The following PTPRG variants were observed in gnomAD, a reference collection of about 807,000 sequenced individuals.
The protein encoded by PTPRG is receptor-type tyrosine-protein phosphatase gamma.
A neutral mutation model predicts 165.3 loss-of-function variants in PTPRG; 102 were observed. The ratio of observed to expected loss-of-function variants is 0.62; its 90% CI spans 0.53 to 0.73. PTPRG has a LOEUF of 0.73. PTPRG is among the 30% of genes least tolerant of loss of function. PTPRG has a pLI of 0.00. For synonymous variants in PTPRG, 675 were observed against 669.5 expected (o/e 1.01, Z -0.13); for missense variants, 1,866 against 1,861.4 (o/e 1.00, Z -0.05).
At chr3:62,116,662 T>G (rs948607556) in intron 5 of PTPRG, among the ~76,000 whole-genome samples, 1 of 152,158 alleles carries the variant, frequency 6.6e-6, no homozygotes, top group African/African-American at 2.4e-5. Flanking sequence ...ATTTTTGTCT[T>G]CATCTGGCTG....
At chr3:62,265,853 C>T (rs1262417132) in intron 17 of PTPRG, among the ~76,000 whole-genome samples, 2 of 124,902 alleles carry the variant, frequency 1.6e-5, no homozygotes, top group Admixed American at 1.5e-4. Context: ...TACATACACA[C>T]ACACACACAC....
chr3:62,192,664 G>T (rs1039203003), intron 9 of PTPRG, among the ~76,000 whole-genome samples: 90 of 151,838 alleles, frequency 5.9e-4, no homozygotes, highest in Non-Finnish European at 9.4e-4. Context: ...GCCCACCTCG[G>T]CCTCCCAAAG....
At chr3:62,269,586 T>A (rs1470798599) in intron 20 of PTPRG, among the ~76,000 whole-genome samples, 1 of 152,198 alleles carries the variant, frequency 6.6e-6, no homozygotes, top group Non-Finnish European at 1.5e-5. Context: ...TGTTCAAGAA[T>A]GGGAAATGAA....
intron 1 of PTPRG, among the ~76,000 whole-genome samples, chr3:61,713,756 G>T (rs1365292872): frequency 6.6e-6 from 1 of 152,134 alleles, no homozygotes; most frequent in Non-Finnish European, 1.5e-5. Flanking sequence ...TTTTTGGTTT[G>T]TAGAAGGTGG....
chr3:62,031,483 A>G (rs1043910329), intron 4 of PTPRG, among the ~76,000 whole-genome samples: 3 of 152,206 alleles, frequency 2.0e-5, no homozygotes, highest in South Asian at 2.1e-4. Context: ...AGAGGTAGAC[A>G]GGGGATATGA....
At chr3:61,952,050 G>A (rs983569838) in intron 2 of PTPRG, among the ~76,000 whole-genome samples, 18 of 149,578 alleles carry the variant, frequency 1.2e-4, no homozygotes, top group African/African-American at 3.7e-4. Flanking sequence ...CCAGGGAGTC[G>A]GAGGTTGCAG....
chr3:61,739,573 T>C (rs1186708590), intron 1 of PTPRG, among the ~76,000 whole-genome samples: 1 of 152,228 alleles, frequency 6.6e-6, no homozygotes, highest in East Asian at 1.9e-4. Flanking sequence ...GAGAGTAATA[T>C]CTGGTTCAGA....
intron 1 of PTPRG, among the ~76,000 whole-genome samples, chr3:61,699,226 G>A (rs139017646): frequency 1.3e-5 from 2 of 152,082 alleles, no homozygotes; most frequent in African/African-American, 4.8e-5. Flanking sequence ...GTTCAGGGTG[G>A]TATGGCCGTA....
chr3:61,622,984 A>AC (rs753845954), intron 1 of PTPRG, among the ~76,000 whole-genome samples: 1 of 152,156 alleles, frequency 6.6e-6, no homozygotes, highest in African/African-American at 2.4e-5. Context: ...TTCAGGCATC[A>AC]CCCCCTGGAG....
intron 28 of PTPRG, among the ~76,000 whole-genome samples, chr3:62,291,879 GC>G (rs1304174645): frequency 6.6e-6 from 1 of 152,092 alleles, no homozygotes; most frequent in Non-Finnish European, 1.5e-5. Context: ...CATAGAAAGT[GC>G]TCTCATTAGG....
intron 4 of PTPRG, among the ~76,000 whole-genome samples, chr3:62,010,436 A>T (rs563345957): frequency 1.3e-5 from 2 of 151,548 alleles, no homozygotes; most frequent in African/African-American, 4.9e-5. Context: ...ATGTAAGTTT[A>T]TACTTTTCTC....
intron 2 of PTPRG, among the ~76,000 whole-genome samples, chr3:61,894,483 CAA>C (rs953976902): frequency 4.6e-5 from 7 of 151,978 alleles, no homozygotes; most frequent in African/African-American, 1.7e-4. Context: ...TTAGTAATAA[CAA>C]AACATTTATT....
intron 1 of PTPRG, among the ~76,000 whole-genome samples, chr3:61,660,761 G>C (rs2107022925): frequency 6.6e-6 from 1 of 152,210 alleles, no homozygotes; most frequent in African/African-American, 2.4e-5. Flanking sequence ...CAGCACTTTG[G>C]GAGACTAAGG....
intron 1 of PTPRG, among the ~76,000 whole-genome samples, chr3:61,658,837 T>C (rs894922442): frequency 5.9e-5 from 9 of 152,326 alleles, no homozygotes; most frequent in African/African-American, 2.2e-4. Flanking sequence ...AAAAAGACCA[T>C]CTTCAAGTAG....
chr3:62,262,616 A>T (rs1701733531), intron 16 of PTPRG, 182 bp from the exon 17 acceptor site: 1 of 457,548 alleles, frequency 2.2e-6, no homozygotes, highest in Admixed American at 4.1e-5. Flanking sequence ...TGAAATCTTT[A>T]TACCTTTTTC....
intron 1 of PTPRG, among the ~76,000 whole-genome samples, chr3:61,608,495 C>T (rs915264703): frequency 2.6e-5 from 4 of 152,150 alleles, no homozygotes; most frequent in Admixed American, 6.5e-5. Flanking sequence ...GCTGTGGGTG[C>T]TGCCAGGATG....
chr3:62,179,294 G>T (rs1261661849), intron 8 of PTPRG, among the ~76,000 whole-genome samples: 1 of 152,126 alleles, frequency 6.6e-6, no homozygotes, highest in Non-Finnish European at 1.5e-5. Context: ...TGGTTGTTAC[G>T]GTTGCTGGCT....
intron 2 of PTPRG, among the ~76,000 whole-genome samples, chr3:61,827,641 T>C (rs2036150348): frequency 6.6e-6 from 1 of 151,902 alleles, no homozygotes; most frequent in Non-Finnish European, 1.5e-5. Flanking sequence ...TTCATATTTA[T>C]CTGGTTGGAA....
Position 61,782,438 on chromosome 3 carries a change from C to T in PTPRG, c.190+33456C>T, listed in dbSNP as rs371659667. On this transcript the variant is annotated intron_variant, in intron 2 of 29. Coordinates refer to ENST00000474889, the MANE Select transcript of PTPRG (RefSeq NM_002841.4). ...GGTCAGTAAATTGAGTGTGAACCAT[C>T]AGCCAGGCTGATGAACCCTGCCTTC... Among the ~76,000 whole-genome samples the T allele has an allele frequency of 3.3e-5, 5 of 152,324 alleles. No homozygotes were observed. The East Asian group carries it at 9.6e-4, about 29-fold the overall frequency.
Sources: allele counts gnomAD v4.1 joint callset (sites outside exome capture counted in the v4.1 genomes callset), GRCh38; gene constraint gnomAD v4.1.1; transcripts MANE v1.5; gene names NCBI Gene and HGNC (gene_info 2026-07-23, HGNC 2026-07-21).